The following CPQ variants were observed in gnomAD, a reference collection of about 807,000 sequenced individuals.
CPQ encodes carboxypeptidase Q.
CPQ carries 37 observed loss-of-function variants against 45.7 expected under a neutral mutation model. That is an observed-to-expected ratio of 0.81 (90% CI 0.62 to 1.07). The LOEUF (loss-of-function observed/expected upper bound fraction) is 1.07. Among genes scored for constraint, CPQ ranks in the 50% least tolerant of loss-of-function variants. The pLI, the probability that CPQ is intolerant of heterozygous loss-of-function variation, is 0.00. For missense variants in CPQ, 537 were observed against 572.9 expected (o/e 0.94, Z 0.64); for synonymous variants, 186 against 205.8 (o/e 0.90, Z 0.82).
At chr8:96,774,050 C>A (rs771038341) in intron 1 of CPQ, among the ~76,000 whole-genome samples, 3 of 152,104 alleles carry the variant, frequency 2.0e-5, no homozygotes, top group Non-Finnish European at 2.9e-5. Flanking sequence ...GTGGGCAGAT[C>A]ACCTGAGGTC....
intron 4 of CPQ, among the ~76,000 whole-genome samples, chr8:96,944,097 T>C (rs1813158316): frequency 6.6e-6 from 1 of 152,146 alleles, no homozygotes; most frequent in African/African-American, 2.4e-5. Flanking sequence ...CTTCTGTTAG[T>C]CCTGGTACAA....
intron 2 of CPQ, among the ~76,000 whole-genome samples, chr8:96,788,704 C>G (rs1439174358): frequency 6.6e-6 from 1 of 152,034 alleles, no homozygotes; most frequent in Non-Finnish European, 1.5e-5. Flanking sequence ...ATCATTTTCA[C>G]AAATTCTTTT....
At chr8:96,702,329 C>A (rs1409845596) in intron 1 of CPQ, among the ~76,000 whole-genome samples, 4 of 151,994 alleles carry the variant, frequency 2.6e-5, no homozygotes, top group African/African-American at 9.7e-5. Flanking sequence ...GTGTGGGCCT[C>A]CCGAAGGCCC....
intron 4 of CPQ, among the ~76,000 whole-genome samples, chr8:96,881,844 A>G (rs1458399207): frequency 6.6e-6 from 1 of 152,234 alleles, no homozygotes; most frequent in Non-Finnish European, 1.5e-5. Context: ...ATCACAGCTC[A>G]CTGAATGTAA....
At chr8:96,681,806 T>C (rs1378287750) in intron 1 of CPQ, among the ~76,000 whole-genome samples, 1 of 152,178 alleles carries the variant, frequency 6.6e-6, no homozygotes, top group Non-Finnish European at 1.5e-5. Flanking sequence ...CCCAAGGCCA[T>C]GGGAGCCCAC....
intron 3 of CPQ, among the ~76,000 whole-genome samples, chr8:96,841,958 C>T (rs1055799008): frequency 2.6e-5 from 4 of 152,168 alleles, no homozygotes; most frequent in African/African-American, 7.2e-5. Flanking sequence ...TGGGCTACAT[C>T]ATAGAGTTAA....
chr8:96,730,761 T>A (rs1020983384), intron 1 of CPQ, among the ~76,000 whole-genome samples: 2 of 151,248 alleles, frequency 1.3e-5, no homozygotes, highest in African/African-American at 4.9e-5. Flanking sequence ...ATAGAATTTG[T>A]CTCAGGTGTG....
In CPQ at chr8:96,935,691, G is replaced by A. The variant is rs945887686; in HGVS notation, c.850-30244G>A. Reference sequence around the variant, plus strand: ...ATAACATGGAAATTTGGGGTACCATGGAAAGGCCAGTGAGGGGGTTAGAGA... The same window carrying A: ...ATAACATGGAAATTTGGGGTACCATAGAAAGGCCAGTGAGGGGGTTAGAGA... On this transcript the variant is annotated intron_variant, in intron 4 of 7. Coordinates refer to ENST00000220763, the MANE Select transcript of CPQ (RefSeq NM_016134.4). Among the ~76,000 whole-genome samples, 4 of 152,114 alleles carry A rather than the reference G, an allele frequency of 2.6e-5. No individual in the cohort carries two copies. In the East Asian group the frequency reaches 7.7e-4, roughly 29 times the overall value.
intron 1 of CPQ, among the ~76,000 whole-genome samples, chr8:96,701,154 C>T (rs555265279): frequency 6.6e-6 from 1 of 152,164 alleles, no homozygotes; most frequent in Non-Finnish European, 1.5e-5. Context: ...TTAAGTCAGA[C>T]TGACTTGGGT....
At chr8:97,086,483 CTGTT>C (rs1811042915) in intron 7 of CPQ, among the ~76,000 whole-genome samples, 3 of 152,274 alleles carry the variant, frequency 2.0e-5, no homozygotes, top group African/African-American at 4.8e-5. Context: ...GAAATCTGCT[CTGTT>C]TGATTGCAGA....
At chr8:96,938,074 C>T (rs1359588106) in intron 4 of CPQ, among the ~76,000 whole-genome samples, 2 of 152,246 alleles carry the variant, frequency 1.3e-5, no homozygotes, top group East Asian at 3.9e-4. Context: ...ATGTAAAGGC[C>T]AAAACATTAA....
At chr8:96,960,174 C>A (rs969108871) in intron 4 of CPQ, among the ~76,000 whole-genome samples, 2 of 151,972 alleles carry the variant, frequency 1.3e-5, no homozygotes, top group Non-Finnish European at 1.5e-5. Flanking sequence ...TTACCAAGGG[C>A]CTTTGAAGAT....
chr8:96,750,073 CTATT>C (rs1384384012), intron 1 of CPQ, among the ~76,000 whole-genome samples: 4 of 151,504 alleles, frequency 2.6e-5, no homozygotes, highest in East Asian at 1.9e-4. Flanking sequence ...ATTTAAGAAT[CTATT>C]TATGAAATAA....
chr8:96,781,400 G>T (rs1035082061), intron 1 of CPQ, among the ~76,000 whole-genome samples: 1 of 152,140 alleles, frequency 6.6e-6, no homozygotes, highest in Non-Finnish European at 1.5e-5. Context: ...GGGCAAGAGA[G>T]GGAGAGAGAA....
At chr8:96,890,912 G>A (rs952150173) in intron 4 of CPQ, among the ~76,000 whole-genome samples, 3 of 152,122 alleles carry the variant, frequency 2.0e-5, no homozygotes, top group Admixed American at 1.3e-4. Flanking sequence ...CTGGCTATGG[G>A]AGAAACAGTA....
intron 1 of CPQ, among the ~76,000 whole-genome samples, chr8:96,672,180 G>A (rs1809013001): frequency 6.6e-6 from 1 of 152,164 alleles, no homozygotes; most frequent in African/African-American, 2.4e-5. Context: ...GAGATCATAA[G>A]GTAGGGAGTT....
At chr8:96,800,235 G>A (rs532708593) in intron 2 of CPQ, among the ~76,000 whole-genome samples, 1 of 152,110 alleles carries the variant, frequency 6.6e-6, no homozygotes, top group Non-Finnish European at 1.5e-5. Context: ...AAGCCTAAAA[G>A]CTAGCAAGTA....
At chr8:97,118,603 G>A (rs1054641060) in intron 7 of CPQ, among the ~76,000 whole-genome samples, 3 of 152,140 alleles carry the variant, frequency 2.0e-5, no homozygotes, top group African/African-American at 7.2e-5. Flanking sequence ...TGATAATGTA[G>A]GAAGCATGTA....
rs184827931 is a variant in CPQ, at chr8:96,877,745, G to A, written c.642-2053G>A. 1.5e-3 allele frequency among the ~76,000 whole-genome samples: 227 copies of A among 152,136 alleles called. 2 individuals are homozygous for A. The highest frequency in any genetic ancestry group is 0.01 in the Admixed American group (155 of 15,278). On this transcript the variant is annotated intron_variant, in intron 3 of 7. Coordinates refer to ENST00000220763, the MANE Select transcript of CPQ (RefSeq NM_016134.4). ...ACATTATTCTCCACTTTACAAATGC[G>A]GAAATTTAGAAACAAAGAGGTAATC... is the stretch of plus-strand genomic sequence containing the variant.
Sources: gnomAD v4.1 joint callset for allele counts (sites outside exome capture counted in the v4.1 genomes callset) on GRCh38, gnomAD v4.1.1 for gene constraint, MANE v1.5 for transcripts, NCBI Gene and HGNC (gene_info 2026-07-23, HGNC 2026-07-21) for gene names.